The following DKK2 variants were observed in gnomAD, a reference collection of about 807,000 sequenced individuals.
DKK2 encodes dickkopf-related protein 2.
A neutral mutation model predicts 28.1 loss-of-function variants in DKK2; 11 were observed. That is an observed-to-expected ratio of 0.39 (90% CI 0.25 to 0.65). DKK2 has a LOEUF of 0.65. DKK2 is among the 30% of genes least tolerant of loss of function. DKK2 has a pLI of 0.47. For missense variants in DKK2, 326 were observed against 335.5 expected, an observed-to-expected ratio of 0.97 and a Z score of 0.22; for synonymous variants, 135 against 126.5, an observed-to-expected ratio of 1.07 and a Z score of -0.45.
At chr4:106,987,249 G>A (rs1249928808) in intron 1 of DKK2, among the ~76,000 whole-genome samples, 1 of 152,116 alleles carries the variant, frequency 6.6e-6, no homozygotes, top group Non-Finnish European at 1.5e-5. Context: ...ATTCTTAGTA[G>A]AGAAGAATAA....
chr4:107,019,508 C>A (rs1321317946), intron 1 of DKK2, among the ~76,000 whole-genome samples: 1 of 151,944 alleles, frequency 6.6e-6, no homozygotes, highest in Non-Finnish European at 1.5e-5. Context: ...AGTAAGTGCT[C>A]CACAAATGTT....
At chr4:107,019,137 T>A (rs1723654522) in intron 1 of DKK2, among the ~76,000 whole-genome samples, 1 of 152,032 alleles carries the variant, frequency 6.6e-6, no homozygotes, top group South Asian at 2.1e-4. Context: ...CGGGCACGGC[T>A]GTATAGAGAT....
chr4:107,007,220 C>T (rs886402765), intron 1 of DKK2, among the ~76,000 whole-genome samples: 1 of 151,976 alleles, frequency 6.6e-6, no homozygotes, highest in Non-Finnish European at 1.5e-5. Flanking sequence ...TAAACTGATG[C>T]TTCTACATGG....
chr4:106,986,219 A>G (rs1184866147), intron 1 of DKK2, among the ~76,000 whole-genome samples: 2 of 152,224 alleles, frequency 1.3e-5, no homozygotes, highest in Non-Finnish European at 2.9e-5. Context: ...TCAGCGCACT[A>G]GGAGTTTCTC....
rs918631250 is a variant in DKK2, at chr4:106,922,293, A to G, written c.*1661T>C. 2 of 152,196 alleles carry G rather than the reference A, an allele frequency of 1.3e-5. No homozygotes were observed. The highest frequency in any genetic ancestry group is 1.5e-5 in the Non-Finnish European group (1 of 68,028). The allele number at this position is 152,196 out of a possible 1,614,324, so 9.4% of individuals were successfully genotyped here. A position where few individuals can be genotyped will look rare whatever the true frequency, so the allele number is the denominator to read the frequency against. ...ACTGCAGATGGGATTTAAGTAAAAG[A>G]AAACTAAAAAGTGAATTGTGGTCTA... On this transcript the variant is annotated 3_prime_UTR_variant, in exon 4 of 4. Transcript: ENST00000285311.
chr4:107,035,676 T>A lies in DKK2; in HGVS notation c.-85A>T, dbSNP rs3733637. ...AGGGAGGACCCCAACACGGGGCCCC[T>A]CACTTGGGTCGCGGGGGCTTGCAGA... On this transcript the variant is annotated 5_prime_UTR_variant, in exon 1 of 4. Coordinates refer to ENST00000285311, the MANE Select transcript of DKK2 (RefSeq NM_014421.3). 1.2e-3 allele frequency: 1,662 copies of A among 1,434,824 alleles called. 26 individuals are homozygous for A. The East Asian group carries it at 0.033, about 28-fold the overall frequency. The allele number at this position is 1,434,824 out of a possible 1,614,324, so 88.9% of individuals were successfully genotyped here.
intron 1 of DKK2, among the ~76,000 whole-genome samples, chr4:107,003,068 G>A (rs1344741844): frequency 1.3e-5 from 2 of 152,204 alleles, no homozygotes; most frequent in African/African-American, 4.8e-5. Flanking sequence ...CTGGAACCTT[G>A]TTCCTCAAAA....
chr4:106,932,785 A>C (rs1267481883), intron 1 of DKK2, among the ~76,000 whole-genome samples: 1 of 152,198 alleles, frequency 6.6e-6, no homozygotes, highest in Non-Finnish European at 1.5e-5. Context: ...GTCTCTTCCA[A>C]ATCTGGGATT....
intron 1 of DKK2, among the ~76,000 whole-genome samples, chr4:106,974,075 C>T (rs1223931110): frequency 6.6e-6 from 1 of 151,912 alleles, no homozygotes; most frequent in South Asian, 2.1e-4. Context: ...ATTTCTGAGG[C>T]CTCTGTTATG....
intron 1 of DKK2, among the ~76,000 whole-genome samples, chr4:106,959,802 C>G (rs546715436): frequency 2.6e-5 from 4 of 152,032 alleles, no homozygotes; most frequent in Admixed American, 2.6e-4. Flanking sequence ...GCCTTTCCTC[C>G]CTTGGGGTGT....
At chr4:106,930,244 A>G (rs887700211) in intron 1 of DKK2, among the ~76,000 whole-genome samples, 2 of 152,248 alleles carry the variant, frequency 1.3e-5, no homozygotes, top group African/African-American at 4.8e-5. Flanking sequence ...CTAATGAACA[A>G]AAGTAAAATA....
At chr4:107,034,730 C>A (rs778186158) in intron 1 of DKK2, among the ~76,000 whole-genome samples, 4 of 152,106 alleles carry the variant, frequency 2.6e-5, no homozygotes, top group Admixed American at 6.5e-5. Flanking sequence ...GACCTTACTT[C>A]TTTGAAGAGA....
intron 1 of DKK2, among the ~76,000 whole-genome samples, chr4:106,947,203 A>G (rs1724790049): frequency 6.6e-6 from 1 of 151,992 alleles, no homozygotes; most frequent in South Asian, 2.1e-4. Context: ...TTCCAGGTAT[A>G]TGGAGTGCCT....
intron 1 of DKK2, among the ~76,000 whole-genome samples, chr4:106,982,740 G>A (rs1021928348): frequency 5.3e-5 from 8 of 151,878 alleles, no homozygotes; most frequent in Admixed American, 1.3e-4. Context: ...GAGAGAGAGA[G>A]AAATGCACAA....
At chr4:106,960,524 C>A (rs1722671541) in intron 1 of DKK2, among the ~76,000 whole-genome samples, 1 of 151,538 alleles carries the variant, frequency 6.6e-6, no homozygotes, top group Admixed American at 6.6e-5. Context: ...TACCACTGTA[C>A]AATTTATCCA....
intron 1 of DKK2, among the ~76,000 whole-genome samples, chr4:106,931,020 C>G (rs1013669269): frequency 1.3e-5 from 2 of 152,064 alleles, no homozygotes; most frequent in Admixed American, 6.6e-5. Context: ...TTCAGGTGGT[C>G]ACTTCAAAAT....
chr4:106,951,090 T>C (rs113772980), intron 1 of DKK2, among the ~76,000 whole-genome samples: 4,790 of 152,234 alleles, frequency 0.031, 80 homozygotes, highest in Non-Finnish European at 0.036. Context: ...GACACACTTT[T>C]TTCAGTGTAC....
intron 1 of DKK2, among the ~76,000 whole-genome samples, chr4:106,940,197 C>T (rs1166107942): frequency 6.6e-5 from 10 of 152,210 alleles, no homozygotes; most frequent in Admixed American, 2.6e-4. Flanking sequence ...AGAAAATTTT[C>T]GCAACCTACT....
At chr4:107,008,697 A>G (rs1723474176) in intron 1 of DKK2, among the ~76,000 whole-genome samples, 1 of 152,024 alleles carries the variant, frequency 6.6e-6, no homozygotes. Flanking sequence ...AATATTTCCT[A>G]TACACAGGGA....
Sources: gnomAD v4.1 joint callset for allele counts (sites outside exome capture counted in the v4.1 genomes callset) on GRCh38, gnomAD v4.1.1 for gene constraint, MANE v1.5 for transcripts, NCBI Gene and HGNC (gene_info 2026-07-23, HGNC 2026-07-21) for gene names.